The following MKLN1 variants were observed in gnomAD, a reference collection of about 807,000 sequenced individuals.
The protein encoded by MKLN1 is muskelin 1, also known as muskelin.
In MKLN1, 18 loss-of-function variants were observed where a neutral mutation model predicts 99.0. The observed-to-expected ratio is 0.18, with a 90% CI of 0.13 to 0.27. The LOEUF (loss-of-function observed/expected upper bound fraction) is 0.27. Among genes scored for constraint, MKLN1 ranks in the 10% least tolerant of loss-of-function variants. The pLI, the probability that MKLN1 is intolerant of heterozygous loss-of-function variation, is 1.00. For missense variants in MKLN1, 621 were observed against 875.9 expected (o/e 0.71, Z 3.67); for synonymous variants, 288 against 293.2 (o/e 0.98, Z 0.18).
intron 2 of MKLN1, among the ~76,000 whole-genome samples, chr7:131,152,498 TTTC>T (rs1795901924): frequency 7.6e-6 from 1 of 130,878 alleles, no homozygotes; most frequent in African/African-American, 2.6e-5. Context: ...TGTTTCTTTT[TTTC>T]TTTTTTTTTT....
chr7:131,324,293 T>C (rs1189838037), upstream of MKLN1: 1 of 152,218 alleles, frequency 6.6e-6, no homozygotes, highest in Non-Finnish European at 1.5e-5. Context: ...GGAGAACTCA[T>C]CTGAAACACC....
At chr7:131,192,263 TATATAAATATATAAAATATATAA>T (rs1796571662) in intron 2 of MKLN1, among the ~76,000 whole-genome samples, 2 of 84,674 alleles carry the variant, frequency 2.4e-5, no homozygotes, top group African/African-American at 1.1e-4. Context: ...ATATATACAA[TATATAAATATATAAAATATATAA>T]TATATACAAT....
At chr7:131,361,448 ATGTTAAT>A (rs1418667708) in intron 1 of MKLN1, among the ~76,000 whole-genome samples, 1 of 151,882 alleles carries the variant, frequency 6.6e-6, no homozygotes, top group African/African-American at 2.4e-5. Flanking sequence ...TGGCCTTAAA[ATGTTAAT>A]TGTAGTTATT....
intron 1 of MKLN1, among the ~76,000 whole-genome samples, chr7:131,123,022 CAAAAAA>C (rs59581806): frequency 1.7e-5 from 1 of 60,374 alleles, no homozygotes; most frequent in African/African-American, 7.0e-5. Flanking sequence ...GACTCCGTCT[CAAAAAA>C]AAAAAAAAAA....
At chr7:131,159,119 G>C (rs759122634) in intron 2 of MKLN1, among the ~76,000 whole-genome samples, 1 of 152,150 alleles carries the variant, frequency 6.6e-6, no homozygotes, top group East Asian at 1.9e-4. Flanking sequence ...GCCTGAGCCC[G>C]GAGGTGGAGG....
chr7:131,444,818 AGTAGAAGTG>A (rs1288637930), intron 11 of MKLN1, among the ~76,000 whole-genome samples: 20 of 146,128 alleles, frequency 1.4e-4, no homozygotes, highest in African/African-American at 1.8e-4. Context: ...TAGTAGTAGT[AGTAGAAGTG>A]GAAGTGGAAG....
chr7:131,324,734 T>G (rs1220249130), upstream of MKLN1, among the ~76,000 whole-genome samples: 1 of 152,202 alleles, frequency 6.6e-6, no homozygotes. Flanking sequence ...GTAAGCAGTT[T>G]CAAGAGACAA....
At chr7:131,142,454 G>A (rs1313098127) in intron 1 of MKLN1, among the ~76,000 whole-genome samples, 4 of 151,174 alleles carry the variant, frequency 2.6e-5, no homozygotes, top group Non-Finnish European at 5.9e-5. Flanking sequence ...AAAAAAATTA[G>A]GCCGGTCGCG....
intron 3 of MKLN1, among the ~76,000 whole-genome samples, chr7:131,283,335 CT>C (rs1798081499): frequency 3.2e-5 from 2 of 63,430 alleles, no homozygotes; most frequent in African/African-American, 1.3e-4. Flanking sequence ...CCCTCCTTCC[CT>C]TCCCTTCCCC....
chr7:131,217,383 T>C (rs1188506335), intron 3 of MKLN1, among the ~76,000 whole-genome samples: 2 of 152,228 alleles, frequency 1.3e-5, no homozygotes, highest in East Asian at 3.8e-4. Flanking sequence ...GGCCGATTGT[T>C]GGGCAAATAA....
chr7:131,269,044 G>A (rs978880754), intron 3 of MKLN1, among the ~76,000 whole-genome samples: 9 of 152,130 alleles, frequency 5.9e-5, no homozygotes, highest in Admixed American at 1.3e-4. Context: ...TGTAAGTTGC[G>A]AACACACTTG....
At chr7:131,286,113 A>G (rs11766535) in intron 3 of MKLN1, among the ~76,000 whole-genome samples, 36,011 of 151,872 alleles carry the variant, frequency 0.24, 5,631 homozygotes, top group African/African-American at 0.45. Flanking sequence ...ATCACGCCGG[A>G]CTAATTTTGT....
At chr7:131,401,529 G>C (rs1035654560) in intron 6 of MKLN1, among the ~76,000 whole-genome samples, 1 of 152,272 alleles carries the variant, frequency 6.6e-6, no homozygotes, top group Admixed American at 6.5e-5. Flanking sequence ...TAGTCATAAA[G>C]TTTCAACCTG....
At chr7:131,466,101 CT>C (rs1321643834) in intron 14 of MKLN1, among the ~76,000 whole-genome samples, 174 bp from the exon 15 acceptor site, 2 of 152,020 alleles carry the variant, frequency 1.3e-5, no homozygotes, top group Non-Finnish European at 2.9e-5. Context: ...AGCCATGGTG[CT>C]TTAAAGCAAA....
chr7:131,125,899 G>A (rs1051895837), intron 1 of MKLN1, among the ~76,000 whole-genome samples: 3 of 151,258 alleles, frequency 2.0e-5, no homozygotes, highest in African/African-American at 7.3e-5. Flanking sequence ...CCAGCTACTC[G>A]GGAGGCTGAG....
chr7:131,308,228 C>T (rs959287571), intron 3 of MKLN1, among the ~76,000 whole-genome samples: 2 of 151,484 alleles, frequency 1.3e-5, no homozygotes, highest in African/African-American at 4.8e-5. Context: ...TCAATTACAC[C>T]TCTTTTCTTC....
At chr7:131,181,658 C>T (rs1796378047) in intron 2 of MKLN1, among the ~76,000 whole-genome samples, 1 of 150,722 alleles carries the variant, frequency 6.6e-6, no homozygotes, top group South Asian at 2.1e-4. Flanking sequence ...AACCTCATCC[C>T]TATTTTTTTT....
rs751814005 is a variant in MKLN1, at chr7:131,399,383, T to C, written c.653T>C (p.Leu218Ser). 2 of 1,614,036 alleles carry C rather than the reference T, an allele frequency of 1.2e-6. No individual in the cohort carries two copies. Among genetic ancestry groups the C allele is most frequent in the African/African-American group, 1.3e-5 (1 of 75,040 alleles). The change falls in exon 6 of 18, where the codon TTG becomes TCG. Residue 218 changes from leucine (L) to serine (S), a missense_variant. This residue lies in a region of MKLN1 where 361 missense variants were observed against 540.8 expected (regional missense o/e 0.67). Transcript: ENST00000352689. Reference protein sequence around the residue: ...MLTDIHDKLVLKGDFDACEEL... With the variant: ...MLTDIHDKLVSKGDFDACEEL... ...ACAGATATTCATGACAAGCTGGTGT[T>C]GAAGGGTGATTTTGATGCTTGCGAA...
intron 1 of MKLN1, among the ~76,000 whole-genome samples, chr7:131,130,708 A>C (rs1795536566): frequency 6.6e-6 from 1 of 152,198 alleles, no homozygotes; most frequent in East Asian, 1.9e-4. Flanking sequence ...GAAATGTTTT[A>C]TTATTACATT....
Sources: allele counts gnomAD v4.1 joint callset (sites outside exome capture counted in the v4.1 genomes callset), GRCh38; gene constraint gnomAD v4.1.1; regional missense constraint gnomAD v4.1.1; transcripts MANE v1.5; gene names NCBI Gene and HGNC (gene_info 2026-07-23, HGNC 2026-07-21).